The following GAB4 variants were observed in gnomAD, a reference collection of about 807,000 sequenced individuals.
GAB4 encodes the protein GRB2-associated-binding protein 4.
A neutral mutation model predicts 51.3 loss-of-function variants in GAB4; 26 were observed. The observed-to-expected ratio is 0.51, with a 90% CI of 0.37 to 0.70. GAB4 has a LOEUF of 0.70. Ranked by LOEUF, GAB4 falls within the 30% of genes least tolerant of loss-of-function variation. The pLI, the probability that GAB4 is intolerant of heterozygous loss-of-function variation, is 0.00. For missense variants in GAB4, 759 were observed against 734.6 expected (o/e 1.03, Z -0.38); for synonymous variants, 329 against 291.2 (o/e 1.13, Z -1.32).
At chr22:16,962,913 CTG>C (rs1569086486) in intron 9 of GAB4, 37 bp from the exon 10 acceptor site, 1 of 1,587,998 alleles carries the variant, frequency 6.3e-7, no homozygotes, top group African/African-American at 1.3e-5. Flanking sequence ...GTGGCAGTGT[CTG>C]TGAGTTCCTG....
chr22:16,963,343 C>T lies in GAB4; in HGVS notation c.1581+382G>A, dbSNP rs562810419. Among the ~76,000 whole-genome samples, 5 of 152,294 alleles carry T rather than the reference C, an allele frequency of 3.3e-5. No homozygotes were observed. In the East Asian group the frequency reaches 9.6e-4, roughly 29 times the overall value. On this transcript the variant is annotated intron_variant, in intron 9 of 9. Coordinates refer to ENST00000400588, the MANE Select transcript of GAB4 (RefSeq NM_001037814.1). ...GGAGGCTTTCCTGGACCCAGGAGTT[C>T]CTTCTGAGGTCCCCCGCATCAATGG...
chr22:16,967,094 TG>T (rs1210730608), intron 5 of GAB4: 2 of 152,196 alleles, frequency 1.3e-5, no homozygotes, highest in Non-Finnish European at 2.9e-5. Context: ...CAGGACCCCT[TG>T]GGGTCCAACT....
At chr22:16,996,476 C>T (rs1162688335) in intron 1 of GAB4, among the ~76,000 whole-genome samples, 3 of 151,918 alleles carry the variant, frequency 2.0e-5, no homozygotes, top group African/African-American at 7.3e-5. Context: ...TGATACTCCT[C>T]GAGAAAAGCA....
intron 3 of GAB4, among the ~76,000 whole-genome samples, chr22:16,982,741 T>C (rs977344662): frequency 3.9e-5 from 6 of 152,208 alleles, no homozygotes; most frequent in African/African-American, 1.2e-4. Flanking sequence ...TCATATTACC[T>C]GACTTCTGTT....
At chr22:16,991,162 G>A (rs1157958491) in intron 2 of GAB4, among the ~76,000 whole-genome samples, 3 of 151,374 alleles carry the variant, frequency 2.0e-5, no homozygotes, top group Non-Finnish European at 4.4e-5. Flanking sequence ...GCTTCCAAAA[G>A]ACACTAATGC....
intron 3 of GAB4, among the ~76,000 whole-genome samples, chr22:16,980,933 C>CA (rs1309710821): frequency 6.6e-6 from 1 of 152,062 alleles, no homozygotes; most frequent in Non-Finnish European, 1.5e-5. Context: ...CACATGTTCT[C>CA]ACTCATAAGT....
At chr22:16,977,310 T>C (rs2060787078) in intron 3 of GAB4, among the ~76,000 whole-genome samples, 1 of 139,278 alleles carries the variant, frequency 7.2e-6, no homozygotes, top group Non-Finnish European at 1.6e-5. Context: ...AGGCTCAAAA[T>C]AATAGGATGA....
At chr22:16,979,496 C>A (rs1419331126) in intron 3 of GAB4, among the ~76,000 whole-genome samples, 1 of 152,160 alleles carries the variant, frequency 6.6e-6, no homozygotes, top group Non-Finnish European at 1.5e-5. Flanking sequence ...GAACTACACA[C>A]CACTGCTCAA....
At chr22:16,967,460 G>T (rs942429406) in intron 5 of GAB4, 3 of 152,354 alleles carry the variant, frequency 2.0e-5, no homozygotes, top group Non-Finnish European at 4.4e-5. Context: ...TCAAGGCAAG[G>T]ATCACATCAG....
intron 5 of GAB4, 180 bp from the exon 6 acceptor site, chr22:16,966,544 C>T: frequency 1.5e-6 from 1 of 655,634 alleles, no homozygotes; most frequent in South Asian, 2.1e-5. Flanking sequence ...AGTGCCCCAG[C>T]CAGGAACCCC....
rs1160737925 is a variant in GAB4 at position 16,973,455 on chromosome 22, C to G, written c.687-3262G>C. Among the ~76,000 whole-genome samples the G allele has an allele frequency of 6.6e-5, 10 of 152,232 alleles. No individual in the cohort carries two copies. The East Asian group carries it at 1.7e-3, about 26-fold the overall frequency. ...GATCCAAACTCTTCCTCCTTAAACC[C>G]CACTTTCTTATGTCCCAACATCTGC... On this transcript the variant is annotated intron_variant, in intron 3 of 9. Transcript: ENST00000400588.
chr22:16,969,822 G>A (rs879897630), intron 4 of GAB4, 121 bp downstream of exon 4: 46 of 1,231,488 alleles, frequency 3.7e-5, no homozygotes, highest in Admixed American at 8.9e-5. Flanking sequence ...CTTGTCTAAC[G>A]TGACTGTCCT....
At chr22:16,963,371 G>A (rs777294340) in intron 9 of GAB4, among the ~76,000 whole-genome samples, 3 of 152,142 alleles carry the variant, frequency 2.0e-5, no homozygotes, top group African/African-American at 7.2e-5. Context: ...ATCAATGGCC[G>A]GGCTCTAGAA....
chr22:16,973,190 GCTAT>G (rs1350974640), intron 3 of GAB4, among the ~76,000 whole-genome samples: 5 of 152,136 alleles, frequency 3.3e-5, no homozygotes, highest in Non-Finnish European at 5.9e-5. Context: ...GCAGCAAATT[GCTAT>G]CTGAGTCACA....
Position 16,963,779 on chromosome 22 carries a change from C to G in GAB4, c.1527G>C (p.Pro509=). Residue 509 remains proline, a synonymous_variant, in exon 9 of 10, where the codon CCG becomes CCC. Transcript: ENST00000400588. ...PVSGGTSSSA[P]PRSTGNIHYA... ...AGTGGATGTTACCAGTGCTCCTCGG[C>G]GGGGCTGAACTGCTGGTGCCACCGG... 6.2e-7 allele frequency: 1 copy of G among 1,613,904 alleles called. No homozygotes were observed. Among genetic ancestry groups the G allele is most frequent in the East Asian group, 2.2e-5 (1 of 44,882 alleles).
intron 1 of GAB4, among the ~76,000 whole-genome samples, chr22:17,007,039 A>C (rs2061045842): frequency 6.6e-6 from 1 of 152,118 alleles, no homozygotes; most frequent in African/African-American, 2.4e-5. Flanking sequence ...GAAAGACAAG[A>C]ACGCAGAATT....
At chr22:16,969,627 C>T in intron 4 of GAB4, 1 of 628,722 alleles carries the variant, frequency 1.6e-6, no homozygotes, top group South Asian at 2.0e-5. Flanking sequence ...GTGACATCGG[C>T]TGTTGTCTAC....
intron 8 of GAB4, 124 bp downstream of exon 8, chr22:16,964,642 G>T (rs2060656635): frequency 1.1e-5 from 7 of 640,412 alleles, no homozygotes; most frequent in Non-Finnish European, 2.0e-5. Flanking sequence ...TGCAATAGGA[G>T]ACCAAATCAC....
At chr22:16,970,314 G>A (rs1281895211) in intron 3 of GAB4, 121 bp from the exon 4 acceptor site, 40 of 1,115,868 alleles carry the variant, frequency 3.6e-5, no homozygotes, top group Non-Finnish European at 5.0e-5. Context: ...CACAGGAAGA[G>A]GAATTGGGCA....
Sources: allele counts gnomAD v4.1 joint callset (sites outside exome capture counted in the v4.1 genomes callset), GRCh38; gene constraint gnomAD v4.1.1; transcripts MANE v1.5; gene names NCBI Gene and HGNC (gene_info 2026-07-23, HGNC 2026-07-21).